Variants in MTERF2 observed in about 807,000 individuals in gnomAD.
MTERF2 encodes the protein transcription termination factor 2, mitochondrial.
Under a neutral mutation model 29.2 loss-of-function variants are expected in MTERF2, and 23 were observed. The observed-to-expected ratio is 0.79, with a 90% CI of 0.57 to 1.12. MTERF2 has a LOEUF of 1.12. Among genes scored for constraint, MTERF2 ranks in the 50% most tolerant of loss-of-function variants. The pLI, the probability that MTERF2 is intolerant of heterozygous loss-of-function variation, is 0.00. For missense variants in MTERF2, 440 were observed against 429.4 expected, an observed-to-expected ratio of 1.02 and a Z score of -0.22; for synonymous variants, 157 against 159.5, an observed-to-expected ratio of 0.98 and a Z score of 0.12.
intron 2 of MTERF2, among the ~76,000 whole-genome samples, chr12:106,980,327 C>T (rs915423245): frequency 2.6e-5 from 4 of 152,092 alleles, no homozygotes; most frequent in Admixed American, 6.5e-5. Context: ...AAGAAGCAAC[C>T]GAATTACATG....
chr12:106,977,646 T>C lies in MTERF2; in HGVS notation c.1069A>G (p.Lys357Glu), dbSNP rs765811443. The C allele has an allele frequency of 8.7e-6, 14 of 1,613,978 alleles. No homozygotes were observed. In the South Asian group the frequency reaches 1.3e-4, roughly 15 times the overall value. Residue 357 changes from lysine to glutamate, a missense_variant, in exon 3 of 3, where the codon AAA (lysine) becomes GAA (glutamate). Transcript: ENST00000240050. ...TTGCCAAAATTAGCTTCAAACTCTT[T>C]TTTTGATCCATTTAGATTTGCTAGA... ...GHLANLNGSK[K>E]EFEANFGKIQ...
chr12:106,985,976 G>C (rs1434848004), intron 1 of MTERF2: 1 of 152,122 alleles, frequency 6.6e-6, no homozygotes, highest in Non-Finnish European at 1.5e-5. Flanking sequence ...TTTCGCAAAT[G>C]ATTTTAGCAG....
rs188418097 is a variant in MTERF2, at chr12:106,981,679, C to T, written c.-57-2908G>A. Among the ~76,000 whole-genome samples the T allele has an allele frequency of 3.4e-3, 518 of 152,138 alleles. 2 individuals carry two copies. Among genetic ancestry groups the T allele is most frequent in the Non-Finnish European group, 5.7e-3 (390 of 67,992 alleles). On this transcript the variant is annotated intron_variant, in intron 2 of 2. Transcript: ENST00000240050. Reference sequence around the variant, plus strand: ...GGGACTACAGCCATGAGCCACCACACCTGGCTAATTTTTGTACTTTTTGTA... The same window carrying T: ...GGGACTACAGCCATGAGCCACCACATCTGGCTAATTTTTGTACTTTTTGTA...
chr12:106,978,341 T>G lies in MTERF2; in HGVS notation c.374A>C (p.Asn125Thr). The G allele has an allele frequency of 6.2e-7, 1 of 1,614,188 alleles. No individual in the cohort carries two copies. Among genetic ancestry groups the G allele is most frequent in the Non-Finnish European group, 8.5e-7 (1 of 1,180,028 alleles). ...TATTAACTTGATTAACTCTTCCTCA[T>G]TTTTGCAGACCAACTGCCAGAGTTT... ...QRKLWQLVCK[N>T]EEELIKLIEQ... The change falls in exon 3 of 3, where the codon AAT (asparagine) becomes ACT (threonine). Residue 125 changes from asparagine (N) to threonine (T), a missense_variant. Asn to Thr is a moderately conservative substitution (Grantham distance 65). Coordinates refer to ENST00000240050, the MANE Select transcript of MTERF2 (RefSeq NM_001033050.3).
intron 1 of MTERF2, chr12:106,985,994 G>C (rs1266291791): frequency 6.6e-6 from 1 of 152,166 alleles, no homozygotes; most frequent in African/African-American, 2.4e-5. Context: ...CAGGATTCAT[G>C]GACACCCTGC....
In MTERF2 at chr12:106,977,723, T is replaced by C; in HGVS notation, c.992A>G (p.Gln331Arg). The C allele has an allele frequency of 6.2e-7, 1 of 1,614,050 alleles. No individual in the cohort carries two copies. The change falls in exon 3 of 3, where the codon CAG becomes CGG. Residue 331 changes from glutamine (Q) to arginine (R), a missense_variant. By Grantham distance (43) the Gln-to-Arg change is conservative. Coordinates refer to ENST00000240050, the MANE Select transcript of MTERF2 (RefSeq NM_001033050.3). ...GGAATTCAGTTTCCTTATCCTGTAC[T>C]GTACTATCTGTGGTGTTAATTCAAG... ...MVLELTPQIVQYRIRKLNSSG... is the reference protein window; with the variant it reads ...MVLELTPQIVRYRIRKLNSSG...
At chr12:106,980,137 C>G (rs564600642) in intron 2 of MTERF2, among the ~76,000 whole-genome samples, 1 of 152,142 alleles carries the variant, frequency 6.6e-6, no homozygotes, top group South Asian at 2.1e-4. Flanking sequence ...ACCTCGTGAT[C>G]TGCCCGTCTC....
chr12:106,982,494 G>A (rs949066132), intron 2 of MTERF2, among the ~76,000 whole-genome samples: 4 of 152,128 alleles, frequency 2.6e-5, no homozygotes, highest in Non-Finnish European at 5.9e-5. Flanking sequence ...TGAATGTTGT[G>A]ACTCCTATGT....
chr12:106,978,546 C>A lies in MTERF2; in HGVS notation c.169G>T (p.Val57Phe). ...AATCTACGAATTTTCCTAATGTCAACTGAACATTTATAGAGCTTTTCCACT... is the reference window on the plus strand; with the variant it reads ...AATCTACGAATTTTCCTAATGTCAAATGAACATTTATAGAGCTTTTCCACT... ...RTVEKLYKCS[V>F]DIRKIRRLKG... The change falls in exon 3 of 3, where the codon GTT becomes TTT. Residue 57 changes from valine to phenylalanine, a missense_variant. By Grantham distance (50) the Val-to-Phe change is conservative (BLOSUM62 -1). Coordinates refer to ENST00000240050, the MANE Select transcript of MTERF2 (RefSeq NM_001033050.3). 6.2e-7 allele frequency: 1 copy of A among 1,614,244 alleles called. No homozygotes were observed. Among genetic ancestry groups the A allele is most frequent in the African/African-American group, 1.3e-5 (1 of 75,062 alleles).
chr12:106,985,734 A>G (rs575933839), intron 1 of MTERF2: 3 of 152,344 alleles, frequency 2.0e-5, no homozygotes, highest in South Asian at 4.1e-4. Flanking sequence ...CTTCCACAGC[A>G]CCCTGCTCCG....
chr12:106,984,127 T>G lies in MTERF2; in HGVS notation c.-58+988A>C, dbSNP rs181163419. ...AGCTTTCATTATCCAGGGTCATTCC[T>G]GCTCCTGTGCTGAGCTCAGCCTCTC... On this transcript the variant is annotated intron_variant, in intron 2 of 2. Coordinates refer to ENST00000240050, the MANE Select transcript of MTERF2 (RefSeq NM_001033050.3). Among the ~76,000 whole-genome samples the G allele has an allele frequency of 8.0e-3, 1,217 of 152,302 alleles. 12 individuals are homozygous for G. The highest frequency in any genetic ancestry group is 9.1e-3 in the Non-Finnish European group (622 of 68,020).
intron 2 of MTERF2, among the ~76,000 whole-genome samples, chr12:106,982,063 C>T (rs1952058173): frequency 6.6e-6 from 1 of 152,204 alleles, no homozygotes; most frequent in Non-Finnish European, 1.5e-5. Flanking sequence ...CCCTTAGCCT[C>T]ACTGTGCAGG....
chr12:106,978,017 A>G lies in MTERF2; in HGVS notation c.698T>C (p.Phe233Ser). ...SPTAIKETLE[F>S]LQEQGFTSFE... ...GCTGGTGAAACCTTGCTCCTGGAGAAATTCTAGTGTTTCCTTTATAGCTGT... is the reference window on the plus strand; with the variant it reads ...GCTGGTGAAACCTTGCTCCTGGAGAGATTCTAGTGTTTCCTTTATAGCTGT... The change falls in exon 3 of 3, where the codon TTT becomes TCT. Residue 233 changes from phenylalanine to serine, a missense_variant. Coordinates refer to ENST00000240050, the MANE Select transcript of MTERF2 (RefSeq NM_001033050.3). 1 of 1,614,148 alleles carries G rather than the reference A, an allele frequency of 6.2e-7. No individual in the cohort carries two copies. Among genetic ancestry groups the G allele is most frequent in the Non-Finnish European group, 8.5e-7 (1 of 1,180,004 alleles).
Position 106,978,104 on chromosome 12 carries a change from T to C in MTERF2, c.611A>G (p.Asn204Ser), listed in dbSNP as rs1952009272. 1 of 1,614,134 alleles carries C rather than the reference T, an allele frequency of 6.2e-7. No homozygotes were observed. Among genetic ancestry groups the C allele is most frequent in the Non-Finnish European group, 8.5e-7 (1 of 1,180,020 alleles). ...SYLDVGGSEA[N>S]MKVWLLKLLS... ...CAATTTTAGTAGCCAAACTTTCATG[T>C]TGGCCTCAGAGCCACCTACATCTAG... The change falls in exon 3 of 3, where the codon AAC becomes AGC. Residue 204 changes from asparagine to serine, a missense_variant. By Grantham distance (46) the Asn-to-Ser change is conservative. Transcript: ENST00000240050.
rs1340267306 is a variant in MTERF2 at position 106,977,995 on chromosome 12, G to A, written c.720C>T (p.Thr240=). 6.2e-7 allele frequency: 1 copy of A among 1,614,020 alleles called. No homozygotes were observed. Among genetic ancestry groups the A allele is most frequent in the East Asian group, 2.2e-5 (1 of 44,890 alleles). ...TLEFLQEQGF[T]SFEILQLLSK... The stretch of plus-strand genomic sequence containing the variant: ...ATAGAAGCTGGAGAATTTCAAAGCT[G>A]GTGAAACCTTGCTCCTGGAGAAATT... Residue 240 remains threonine (T), a synonymous_variant, in exon 3 of 3, where the codon ACC becomes ACT. Coordinates refer to ENST00000240050, the MANE Select transcript of MTERF2 (RefSeq NM_001033050.3).
intron 2 of MTERF2, among the ~76,000 whole-genome samples, chr12:106,979,250 T>C (rs958084673): frequency 1.3e-5 from 2 of 152,132 alleles, no homozygotes; most frequent in African/African-American, 4.8e-5. Flanking sequence ...CACACAAACA[T>C]GGTTTTTTGA....
In MTERF2 at chr12:106,987,071, G is replaced by C. The variant is rs1789740814; in HGVS notation, c.-271C>G. On this transcript the variant is annotated 5_prime_UTR_variant, in exon 1 of 3. Transcript: ENST00000240050. ...CTCCCCACAGTCCGCAGTCCCCGAG[G>C]CCTGGAGCCGGGATTTCGGTCCTCG... 6.6e-6 allele frequency: 1 copy of C among 152,572 alleles called. No individual in the cohort carries two copies. The highest frequency in any genetic ancestry group is 2.4e-5 in the African/African-American group (1 of 41,454). 9.5% of individuals were successfully genotyped at this position (152,572 alleles called of 1,614,324 possible).
intron 2 of MTERF2, among the ~76,000 whole-genome samples, chr12:106,984,183 G>A (rs1952083954): frequency 6.6e-6 from 1 of 152,090 alleles, no homozygotes; most frequent in Non-Finnish European, 1.5e-5. Context: ...CCTTTCTCAA[G>A]TGTTTGCTCC....
At chr12:106,982,566 G>GT (rs1952065370) in intron 2 of MTERF2, among the ~76,000 whole-genome samples, 1 of 152,186 alleles carries the variant, frequency 6.6e-6, no homozygotes, top group South Asian at 2.1e-4. Flanking sequence ...TTTATTCACA[G>GT]TAAGTATCTA....
Sources: gnomAD v4.1 joint callset for allele counts (sites outside exome capture counted in the v4.1 genomes callset) on GRCh38, gnomAD v4.1.1 for gene constraint, MANE v1.5 for transcripts, NCBI Gene and HGNC (gene_info 2026-07-23, HGNC 2026-07-21) for gene names.